The following CEP350 variants were observed in gnomAD, a reference collection of about 807,000 sequenced individuals.
The protein encoded by CEP350 is centrosomal protein 350, also known as centrosome-associated protein 350.
Under a neutral mutation model 331.8 loss-of-function variants are expected in CEP350, and 126 were observed. The ratio of observed to expected loss-of-function variants is 0.38; its 90% CI spans 0.33 to 0.44. The LOEUF (loss-of-function observed/expected upper bound fraction) is 0.44, where lower values mean the gene tolerates loss of function less well. Among genes scored for constraint, CEP350 ranks in the 20% least tolerant of loss-of-function variants. The pLI is 1.00. For missense variants in CEP350, 3,406 were observed against 3,634.6 expected (o/e 0.94, Z 1.62); for synonymous variants, 1,200 against 1,259.5 (o/e 0.95, Z 1.00).
intron 27 of CEP350, among the ~76,000 whole-genome samples, chr1:180,070,781 C>T (rs927138692): frequency 6.6e-6 from 1 of 152,132 alleles, no homozygotes; most frequent in African/African-American, 2.4e-5. Flanking sequence ...TTGAAATTAG[C>T]AAAGTGCTAG....
rs777208793 is a variant in CEP350 at position 180,075,010 on chromosome 1, G to T, written c.5568-12G>T. The stretch of plus-strand genomic sequence containing the variant: ...TTTTTCTCTCAAACTGTTCTTCATG[G>T]TGTGACCATAGGTTTCTGACAAAGC... On this transcript the variant is annotated splice_polypyrimidine_tract_variant and intron_variant, in intron 27 of 37. Transcript: ENST00000367607. 3.7e-6 allele frequency: 6 copies of T among 1,600,964 alleles called. No homozygotes were observed. The highest frequency in any genetic ancestry group is 5.1e-6 in the Non-Finnish European group (6 of 1,174,088).
chr1:180,082,688 C>T (rs1659650137), intron 30 of CEP350, among the ~76,000 whole-genome samples: 2 of 152,180 alleles, frequency 1.3e-5, no homozygotes, highest in Admixed American at 1.3e-4. Flanking sequence ...CCAGGTTTTT[C>T]ATCACCTGCT....
intron 5 of CEP350, 42 bp downstream of exon 5, chr1:179,992,263 C>G: frequency 1.4e-6 from 2 of 1,409,370 alleles, no homozygotes; most frequent in Non-Finnish European, 1.8e-6. Flanking sequence ...TAGGTTTAGC[C>G]TGTAATATTT....
Position 180,020,269 on chromosome 1 carries a change from C to T in CEP350, c.2495C>T (p.Ala832Val). The change falls in exon 12 of 38, where the codon GCT becomes GTT. Residue 832 changes from alanine (A) to valine (V), a missense_variant. By Grantham distance (64) the Ala-to-Val change is moderately conservative (BLOSUM62 0). Coordinates refer to ENST00000367607, the MANE Select transcript of CEP350 (RefSeq NM_014810.5). ...CGTATTGAAGCCTTGAAAGCAACAG[C>T]TGCTTCTTTGTCCAGCAGAATTGAA... ...LDRIEALKAT[A>V]ASLSSRIESE... The T allele has an allele frequency of 6.2e-7, 1 of 1,614,032 alleles. No individual in the cohort carries two copies. Among genetic ancestry groups the T allele is most frequent in the Non-Finnish European group, 8.5e-7 (1 of 1,179,908 alleles).
intron 22 of CEP350, 82 bp from the exon 23 acceptor site, chr1:180,052,888 A>G: frequency 1.8e-6 from 1 of 559,392 alleles, no homozygotes; most frequent in Non-Finnish European, 3.2e-6. Context: ...GGATTGTCCC[A>G]TAAAGAGGCA....
rs190713034 is a variant in CEP350, at chr1:180,102,475, G to A, written c.9189+3490G>A. ...TAACAAGACTATAACAAGGGCTATG[G>A]GAATTATTAGCCATGTTTTAAGTTT... is the stretch of plus-strand genomic sequence containing the variant. On this transcript the variant is annotated intron_variant, in intron 37 of 37. Transcript: ENST00000367607. Among the ~76,000 whole-genome samples the A allele has an allele frequency of 3.3e-5, 5 of 152,136 alleles. 1 individual carries two copies. Among genetic ancestry groups the A allele is most frequent in the Admixed American group, 3.3e-4 (5 of 15,282 alleles).
At chr1:180,097,495 A>T (rs1660549799) in intron 36 of CEP350, among the ~76,000 whole-genome samples, 1 of 152,222 alleles carries the variant, frequency 6.6e-6, no homozygotes, top group African/African-American at 2.4e-5. Context: ...GTACTTTGAG[A>T]ATCTTTCCAG....
At chr1:180,037,768 G>A (rs565852191) in intron 17 of CEP350, among the ~76,000 whole-genome samples, 1 of 152,078 alleles carries the variant, frequency 6.6e-6, no homozygotes, top group African/African-American at 2.4e-5. Context: ...TCCTGGCTCA[G>A]CCTCCCAAGT....
intron 37 of CEP350, among the ~76,000 whole-genome samples, chr1:180,101,744 G>C (rs1660827463): frequency 6.6e-6 from 1 of 152,156 alleles, no homozygotes; most frequent in Non-Finnish European, 1.5e-5. Context: ...CTTCAAGTTG[G>C]GGCTCCCAAG....
Position 180,111,024 on chromosome 1 carries a change from C to T in CEP350, c.9217C>T (p.Gln3073Ter). The change falls in exon 38 of 38, where the codon CAG (glutamine) becomes TAG (stop). Residue 3073 changes from glutamine to a stop codon, truncating the protein, a stop_gained. Coordinates refer to ENST00000367607, the MANE Select transcript of CEP350 (RefSeq NM_014810.5). LOFTEE classifies it high-confidence loss of function. Reference sequence around the variant, plus strand: ...TCAGGAGCTCCATGAGGAGGAGGCACAGTGGGTGAACTATGATGAGGATGA... The same window carrying T: ...TCAGGAGCTCCATGAGGAGGAGGCATAGTGGGTGAACTATGATGAGGATGA... ...LVQELHEEEA[Q>*]WVNYDEDELC... 1 of 1,613,886 alleles carries T rather than the reference C, an allele frequency of 6.2e-7. No individual in the cohort carries two copies. Among genetic ancestry groups the T allele is most frequent in the Non-Finnish European group, 8.5e-7 (1 of 1,179,862 alleles).
At chr1:180,078,931 A>G (rs1408303462) in intron 29 of CEP350, among the ~76,000 whole-genome samples, 1 of 152,188 alleles carries the variant, frequency 6.6e-6, no homozygotes, top group African/African-American at 2.4e-5. Context: ...TTTATGAAAA[A>G]CAGTTTGTAG....
At chr1:180,052,162 T>TA (rs1270859428) in intron 22 of CEP350, 1 of 452,198 alleles carries the variant, frequency 2.2e-6, no homozygotes, top group Non-Finnish European at 4.4e-6. Context: ...GAAGCAGTGA[T>TA]ACAACTGTAG....
chr1:179,972,568 A>G (rs910186208), intron 1 of CEP350, among the ~76,000 whole-genome samples: 31 of 150,706 alleles, frequency 2.1e-4, no homozygotes, highest in African/African-American at 7.3e-4. Flanking sequence ...GCAGTGGTGC[A>G]ATATCAGCTC....
chr1:179,979,316 G>A (rs1007195592), intron 1 of CEP350, among the ~76,000 whole-genome samples: 1 of 151,130 alleles, frequency 6.6e-6, no homozygotes, highest in African/African-American at 2.4e-5. Context: ...CTGATGCTTA[G>A]TGATGTTGAG....
intron 11 of CEP350, among the ~76,000 whole-genome samples, chr1:180,019,571 A>G (rs890487144): frequency 6.6e-6 from 1 of 152,164 alleles, no homozygotes; most frequent in East Asian, 1.9e-4. Flanking sequence ...AAAAATTATA[A>G]TCAGTATTGT....
In CEP350 at chr1:180,111,363, T is replaced by A; in HGVS notation, c.*202T>A. On this transcript the variant is annotated 3_prime_UTR_variant, in exon 38 of 38. Coordinates refer to ENST00000367607, the MANE Select transcript of CEP350 (RefSeq NM_014810.5). ...CTTTCGAGACTATCCACTGGATTAA[T>A]GGGTTATTTTCAGTGGGCAGGGTTG... 1.7e-6 allele frequency: 1 copy of A among 581,400 alleles called. No homozygotes were observed. Among genetic ancestry groups the A allele is most frequent in the Non-Finnish European group, 2.9e-6 (1 of 345,896 alleles). 36.0% of individuals were successfully genotyped at this position (581,400 alleles called of 1,614,324 possible).
chr1:180,099,617 C>A (rs1241646824), intron 37 of CEP350, among the ~76,000 whole-genome samples: 2 of 151,806 alleles, frequency 1.3e-5, no homozygotes, highest in Non-Finnish European at 1.5e-5. Context: ...AATTCTGGAC[C>A]TTTTATCTAT....
chr1:180,095,949 T>C lies in CEP350; in HGVS notation c.8919+19T>C. The C allele has an allele frequency of 3.2e-6, 5 of 1,584,938 alleles. No individual in the cohort carries two copies. The highest frequency in any genetic ancestry group is 4.3e-6 in the Non-Finnish European group (5 of 1,166,904). ...CAAACAGGTAGGTGAAATAAAAGGA[T>C]AATTTTAGTTTTTAAACTTTTCTCC... is the stretch of plus-strand genomic sequence containing the variant. On this transcript the variant is annotated intron_variant, in intron 35 of 37. Transcript: ENST00000367607.
chr1:180,032,306 G>T (rs1656078237), intron 15 of CEP350, among the ~76,000 whole-genome samples: 2 of 152,018 alleles, frequency 1.3e-5, no homozygotes, highest in African/African-American at 4.8e-5. Flanking sequence ...GACACATAAA[G>T]ATTACCATTT....
Sources: gnomAD v4.1 joint callset for allele counts (sites outside exome capture counted in the v4.1 genomes callset) on GRCh38, gnomAD v4.1.1 for gene constraint, MANE v1.5 for transcripts, NCBI Gene and HGNC (gene_info 2026-07-23, HGNC 2026-07-21) for gene names.